The following UGT1A4 variants were observed in gnomAD, a reference collection of about 807,000 sequenced individuals.
UGT1A4 encodes the protein UDP glucuronosyltransferase family 1 member A4.
In UGT1A4, 32 loss-of-function variants were observed where a neutral mutation model predicts 41.1. The ratio of observed to expected loss-of-function variants is 0.78; its 90% CI spans 0.59 to 1.05. The LOEUF (loss-of-function observed/expected upper bound fraction) is 1.05. Among genes scored for constraint, UGT1A4 ranks in the 50% least tolerant of loss-of-function variants. The pLI, the probability that UGT1A4 is intolerant of heterozygous loss-of-function variation, is 0.00. For missense variants in UGT1A4, 748 were observed against 677.4 expected (o/e 1.10, Z -1.16); for synonymous variants, 283 against 265.1 (o/e 1.07, Z -0.66).
chr2:233,760,775 A>G, intron 1 of UGT1A4: 2 of 1,613,738 alleles, frequency 1.2e-6, no homozygotes, highest in Non-Finnish European at 1.7e-6. Context: ...GTGGCCCAGT[A>G]CCTGTCTCTG....
intron 3 of UGT1A4, 26 bp downstream of exon 3, chr2:233,767,962 G>A: frequency 5.0e-6 from 8 of 1,614,120 alleles, no homozygotes; most frequent in Non-Finnish European, 5.9e-6. Flanking sequence ...TGGATGTATA[G>A]GTCAAACCAG....
At chr2:233,753,960 G>C (rs563043918) in intron 1 of UGT1A4, among the ~76,000 whole-genome samples, 1 of 152,300 alleles carries the variant, frequency 6.6e-6, no homozygotes, top group East Asian at 1.9e-4. Flanking sequence ...AAAATATTAA[G>C]AGAATAACGT....
At chr2:233,743,189 T>C in intron 1 of UGT1A4, 3 of 374,868 alleles carry the variant, frequency 8.0e-6, no homozygotes, top group Non-Finnish European at 1.6e-5. Context: ...GGACTGGAAT[T>C]ACTTGGTGTC....
intron 1 of UGT1A4, among the ~76,000 whole-genome samples, chr2:233,736,048 T>A (rs909301616): frequency 6.6e-6 from 1 of 152,208 alleles, no homozygotes; most frequent in African/African-American, 2.4e-5. Context: ...TGAATTTGAA[T>A]GTTGGCCTGC....
rs532529523 is a variant in UGT1A4 at position 233,747,113 on chromosome 2, A to T, written c.868-19921A>T. 13 of 1,433,550 alleles carry T rather than the reference A, an allele frequency of 9.1e-6. No homozygotes were observed. The African/African-American group carries it at 1.3e-4, about 14-fold the overall frequency. 88.8% of individuals were successfully genotyped at this position (1,433,550 alleles called of 1,614,324 possible). ...CACTCTATCTTCCAATTACATGATGATTTGCTAAGTGGCTCAGTGACAAGG... is the reference window on the plus strand; with the variant it reads ...CACTCTATCTTCCAATTACATGATGTTTTGCTAAGTGGCTCAGTGACAAGG... On this transcript the variant is annotated intron_variant, in intron 1 of 4. Coordinates refer to ENST00000373409, the MANE Select transcript of UGT1A4 (RefSeq NM_007120.3).
intron 1 of UGT1A4, chr2:233,760,872 G>C: frequency 6.2e-7 from 1 of 1,614,112 alleles, no homozygotes; most frequent in Non-Finnish European, 8.5e-7. Context: ...ACGTGCCCAG[G>C]CCTCTCTCCT....
chr2:233,751,324 A>C (rs571504836), intron 1 of UGT1A4, among the ~76,000 whole-genome samples: 1 of 151,882 alleles, frequency 6.6e-6, no homozygotes, highest in East Asian at 1.9e-4. Context: ...CTGTACCCCC[A>C]TTGTGTCTTG....
intron 1 of UGT1A4, among the ~76,000 whole-genome samples, chr2:233,752,104 T>G (rs2125914328): frequency 6.6e-6 from 1 of 152,238 alleles, no homozygotes; most frequent in East Asian, 1.9e-4. Flanking sequence ...GAAAGTAGAA[T>G]CAGAGGAGAA....
chr2:233,768,475 G>A, intron 4 of UGT1A4, 36 bp downstream of exon 4: 2 of 1,597,142 alleles, frequency 1.3e-6, no homozygotes, highest in Non-Finnish European at 1.7e-6. Flanking sequence ...CTTTGGTCAT[G>A]GCATTCATGA....
chr2:233,740,777 G>C (rs541057948), intron 1 of UGT1A4: 2 of 151,918 alleles, frequency 1.3e-5, no homozygotes, highest in South Asian at 4.2e-4. Flanking sequence ...TTGTATAAAA[G>C]ATGAATACCC....
Position 233,772,452 on chromosome 2 carries a change from G to A in UGT1A4, c.1498G>A (p.Val500Met), listed in dbSNP as rs199723856. 1.2e-4 allele frequency: 186 copies of A among 1,614,176 alleles called. No homozygotes were observed. The highest frequency in any genetic ancestry group is 1.5e-4 in the Non-Finnish European group (177 of 1,180,044). The change falls in exon 5 of 5, where the codon GTG becomes ATG. Residue 500 changes from valine (V) to methionine (M), a missense_variant. Physicochemically the swap from Val to Met is conservative, Grantham distance 21 (BLOSUM62 1). Transcript: ENST00000373409. The stretch of plus-strand genomic sequence containing the variant: ...CGTGATTGGTTTCCTCTTGGCCGTC[G>A]TGCTGACAGTGGCCTTCATCACCTT... ...LDVIGFLLAV[V>M]LTVAFITFKC...
intron 1 of UGT1A4, chr2:233,729,462 A>G: frequency 2.5e-6 from 4 of 1,614,130 alleles, no homozygotes; most frequent in Non-Finnish European, 3.4e-6. Flanking sequence ...AATTTTTCAG[A>G]AGTATGGCAA....
At chr2:233,743,761 G>A (rs767554453) in intron 1 of UGT1A4, 25 of 1,367,324 alleles carry the variant, frequency 1.8e-5, no homozygotes, top group Admixed American at 5.7e-5. Flanking sequence ...ACACCTCGTA[G>A]GCCTCGGCCA....
At chr2:233,764,907 A>G (rs1698684591) in intron 1 of UGT1A4, among the ~76,000 whole-genome samples, 1 of 152,198 alleles carries the variant, frequency 6.6e-6, no homozygotes, top group Non-Finnish European at 1.5e-5. Flanking sequence ...TAAGAGCCAG[A>G]GGACTCACGA....
At chr2:233,752,028 A>G (rs754794292) in intron 1 of UGT1A4, among the ~76,000 whole-genome samples, 5 of 152,356 alleles carry the variant, frequency 3.3e-5, no homozygotes, top group South Asian at 4.1e-4. Context: ...AGAAATTCCT[A>G]GAAAGGTAAG....
intron 1 of UGT1A4, among the ~76,000 whole-genome samples, chr2:233,724,363 C>T (rs1212893783): frequency 1.6e-4 from 22 of 136,704 alleles, no homozygotes; most frequent in African/African-American, 2.2e-4. Flanking sequence ...CCCTCCCGGA[C>T]GGGGTGGCTG....
intron 4 of UGT1A4, among the ~76,000 whole-genome samples, chr2:233,771,783 TCTCCCTCCCTCC>T (rs562104634): frequency 6.6e-6 from 1 of 151,556 alleles, no homozygotes; most frequent in African/African-American, 2.4e-5. Context: ...TCCTTTCCTC[TCTCCCTCCCTCC>T]CTCCCTCCCT....
Position 233,747,232 on chromosome 2 carries a change from G to T in UGT1A4, c.868-19802G>T. 2.5e-6 allele frequency: 4 copies of T among 1,605,196 alleles called. 1 individual carries two copies. The highest frequency in any genetic ancestry group is 2.2e-5 in the South Asian group (2 of 90,296). On this transcript the variant is annotated intron_variant, in intron 1 of 4. Coordinates refer to ENST00000373409, the MANE Select transcript of UGT1A4 (RefSeq NM_007120.3). ...TGCTGAGATGGCCACAGGACCCCAGGTTCCCCTGCTGTGGCTGGCCACAGG... is the reference window on the plus strand; with the variant it reads ...TGCTGAGATGGCCACAGGACCCCAGTTTCCCCTGCTGTGGCTGGCCACAGG...
intron 1 of UGT1A4, 108 bp downstream of exon 1, chr2:233,719,795 T>A: frequency 1.9e-6 from 3 of 1,604,386 alleles, no homozygotes; most frequent in Non-Finnish European, 2.6e-6. Flanking sequence ...AAAGATTTTA[T>A]TTTGGCTTCT....
Sources: gnomAD v4.1 joint callset for allele counts (sites outside exome capture counted in the v4.1 genomes callset) on GRCh38, gnomAD v4.1.1 for gene constraint, MANE v1.5 for transcripts, NCBI Gene and HGNC (gene_info 2026-07-23, HGNC 2026-07-21) for gene names.